The following C10orf67 variants were observed in gnomAD, a reference collection of about 807,000 sequenced individuals.
C10orf67 encodes uncharacterized protein C10orf67, mitochondrial.
Under a neutral mutation model 35.6 loss-of-function variants are expected in C10orf67, and 60 were observed. The observed-to-expected ratio is 1.68, with a 90% CI of 1.37 to 2.09. C10orf67 has a LOEUF of 2.09. C10orf67 is among the 30% of genes most tolerant of loss of function. C10orf67 has a pLI of 0.00. For synonymous variants in C10orf67, 167 were observed against 115.8 expected, an observed-to-expected ratio of 1.44 and a Z score of -2.84; for missense variants, 474 against 330.2, an observed-to-expected ratio of 1.44 and a Z score of -3.38.
At chr10:23,277,941 G>A (rs1423164701) in intron 8 of C10orf67, among the ~76,000 whole-genome samples, 1 of 152,168 alleles carries the variant, frequency 6.6e-6, no homozygotes, top group Non-Finnish European at 1.5e-5. Flanking sequence ...CATGGTGGAA[G>A]GTGAAGGGGG....
chr10:23,344,646 G>A lies in C10orf67; in HGVS notation c.129C>T (p.Thr43=). The change falls in exon 1 of 16, where the codon ACC becomes ACT. Residue 43 remains threonine (T), a synonymous_variant. Coordinates refer to ENST00000636213, the MANE Select transcript of C10orf67 (RefSeq NM_001371909.1). ...TRWEAMKAKA[T]ELRVCCARRK... Reference sequence around the variant, plus strand: ...TACGCGCGCAGCAGACCCGCAGCTCGGTGGCCTTGGCTTTCATGGCCTCCC... The same window carrying A: ...TACGCGCGCAGCAGACCCGCAGCTCAGTGGCCTTGGCTTTCATGGCCTCCC... The A allele has an allele frequency of 6.3e-7, 1 of 1,580,650 alleles. No individual in the cohort carries two copies. The highest frequency in any genetic ancestry group is 2.3e-5 in the East Asian group (1 of 42,866).
At position 23,326,973 on chromosome 10, in the gene C10orf67, T is replaced by A. The variant is rs2132361526; in HGVS notation, c.328-4436A>T. ...AAATATTAGGAGAAAACAACTGAAA[T>A]ACTTGATAATAATAATAAAAAAGAC... On this transcript the variant is annotated intron_variant, in intron 2 of 15. Transcript: ENST00000636213. 1.3e-5 allele frequency among the ~76,000 whole-genome samples: 2 copies of A among 152,142 alleles called. 1 individual carries two copies. The highest frequency in any genetic ancestry group is 3.9e-4 in the East Asian group (2 of 5,178).
At chr10:23,243,176 C>G (rs1842226485) in intron 12 of C10orf67, among the ~76,000 whole-genome samples, 1 of 151,854 alleles carries the variant, frequency 6.6e-6, no homozygotes, top group Admixed American at 6.6e-5. Context: ...TTGTGAGTAC[C>G]CAACAACTAA....
chr10:23,293,889 G>T (rs2132266479), intron 5 of C10orf67, among the ~76,000 whole-genome samples: 1 of 152,284 alleles, frequency 6.6e-6, no homozygotes, highest in South Asian at 2.1e-4. Context: ...GCATCACCTG[G>T]GAACTGATTA....
intron 5 of C10orf67, among the ~76,000 whole-genome samples, chr10:23,293,837 G>A (rs1000020202): frequency 1.3e-5 from 2 of 152,168 alleles, no homozygotes; most frequent in Non-Finnish European, 2.9e-5. Context: ...GTGTACTTGG[G>A]AGCTTTGCTC....
At chr10:23,282,782 G>C (rs1458817499) in intron 7 of C10orf67, among the ~76,000 whole-genome samples, 1 of 152,254 alleles carries the variant, frequency 6.6e-6, no homozygotes, top group South Asian at 2.1e-4. Context: ...AATGAACTAT[G>C]GTCGCACCAC....
intron 2 of C10orf67, among the ~76,000 whole-genome samples, chr10:23,323,934 T>TATATATATATATAC (rs1564513663): frequency 4.1e-4 from 26 of 63,794 alleles, no homozygotes; most frequent in Non-Finnish European, 8.3e-4. Context: ...TATATATATA[T>TATATATATATATAC]ATATATATAT....
At chr10:23,308,892 C>G (rs1347009709) in intron 4 of C10orf67, among the ~76,000 whole-genome samples, 2 of 152,118 alleles carry the variant, frequency 1.3e-5, no homozygotes, top group Non-Finnish European at 2.9e-5. Context: ...ATTTTTCATT[C>G]AAATCCAGAT....
intron 12 of C10orf67, among the ~76,000 whole-genome samples, chr10:23,245,339 A>G (rs988362416): frequency 6.6e-6 from 1 of 152,244 alleles, no homozygotes; most frequent in Non-Finnish European, 1.5e-5. Flanking sequence ...TGCACAAGCA[A>G]CAAAAAACAA....
intron 1 of C10orf67, among the ~76,000 whole-genome samples, chr10:23,340,395 C>T (rs1845840121): frequency 2.0e-5 from 3 of 151,158 alleles, no homozygotes; most frequent in South Asian, 2.1e-4. Flanking sequence ...TGGCACACAC[C>T]GGCGGCTCCA....
chr10:23,286,445 G>A (rs1843530817), intron 7 of C10orf67, among the ~76,000 whole-genome samples: 1 of 48,980 alleles, frequency 2.0e-5, no homozygotes, highest in African/African-American at 8.7e-5. Context: ...GAGGGGAGGT[G>A]AGGGGAGGGG....
chr10:23,246,603 T>C (rs1842322110), intron 12 of C10orf67, among the ~76,000 whole-genome samples: 1 of 152,116 alleles, frequency 6.6e-6, no homozygotes. Context: ...CATAATGATG[T>C]TTGGTCAAAG....
chr10:23,250,822 G>A (rs1842428931), intron 10 of C10orf67, 131 bp from the exon 11 acceptor site: 1 of 392,706 alleles, frequency 2.5e-6, no homozygotes, highest in East Asian at 3.6e-5. Flanking sequence ...TTGAGGCGGG[G>A]CACGGTGACT....
intron 10 of C10orf67, among the ~76,000 whole-genome samples, chr10:23,259,168 T>G (rs1481457378): frequency 6.6e-6 from 1 of 152,222 alleles, no homozygotes; most frequent in Non-Finnish European, 1.5e-5. Flanking sequence ...TTTCTCTGTT[T>G]ACCAATCTTT....
chr10:23,335,172 A>G (rs1783570002), intron 1 of C10orf67, among the ~76,000 whole-genome samples: 1 of 151,006 alleles, frequency 6.6e-6, no homozygotes, highest in Non-Finnish European at 1.5e-5. Flanking sequence ...TGGGTGACAG[A>G]GCAAGATTCT....
chr10:23,208,981 C>G (rs1442429610), intron 15 of C10orf67, among the ~76,000 whole-genome samples: 4 of 151,976 alleles, frequency 2.6e-5, no homozygotes, highest in Non-Finnish European at 4.4e-5. Flanking sequence ...CCATCAATGA[C>G]CAGCTGAACA....
In C10orf67 at chr10:23,307,608, G is replaced by GTT. The variant is rs56738859; in HGVS notation, c.547-4151_547-4150dup. 1.6e-3 allele frequency among the ~76,000 whole-genome samples: 217 copies of GTT among 135,766 alleles called. 1 individual carries two copies. The highest frequency in any genetic ancestry group is 5.4e-3 in the South Asian group (23 of 4,246). 89.1% of individuals were successfully genotyped at this position (135,766 alleles called of 152,430 possible). On this transcript the variant is annotated intron_variant, in intron 4 of 15. Transcript: ENST00000636213. ...TTTATTTATTTAGATTTTTTATTTA[G>GTT]TTTTTTTTTTTTTTTTTTAAGACAG...
chr10:23,232,581 G>C (rs1322241052), intron 13 of C10orf67, among the ~76,000 whole-genome samples: 1 of 152,112 alleles, frequency 6.6e-6, no homozygotes, highest in African/African-American at 2.4e-5. Flanking sequence ...TAGACTATTG[G>C]ATCAGAGCTT....
chr10:23,204,239 G>A lies in C10orf67; in HGVS notation c.1587C>T (p.Ser529=). Residue 529 remains serine (S), a synonymous_variant, in exon 16 of 16, where the codon TCC becomes TCT. Transcript: ENST00000636213. ...QLSPKGKLSE[S]PKEESLEEPS... is the part of the protein sequence containing the mutation. ...GCTCCTCCAAGGACTCTTCTTTTGG[G>A]GATTCCGACAACTTCCCTAAACGTG... 1 of 652,686 alleles carries A rather than the reference G, an allele frequency of 1.5e-6. No homozygotes were observed. Among genetic ancestry groups the A allele is most frequent in the Non-Finnish European group, 2.9e-6 (1 of 349,680 alleles). The allele number at this position is 652,686 out of a possible 1,614,324, so 40.4% of individuals were successfully genotyped here.
Sources: gnomAD v4.1 joint callset for allele counts (sites outside exome capture counted in the v4.1 genomes callset) on GRCh38, gnomAD v4.1.1 for gene constraint, MANE v1.5 for transcripts, NCBI Gene and HGNC (gene_info 2026-07-23, HGNC 2026-07-21) for gene names.